Variants in ABCB5 observed in about 807,000 individuals in gnomAD.
ABCB5 encodes the protein ATP-binding cassette sub-family B member 5.
Under a neutral mutation model 144.2 loss-of-function variants are expected in ABCB5, and 155 were observed. That is an observed-to-expected ratio of 1.08 (90% CI 0.94 to 1.23). The LOEUF is 1.23. Among genes scored for constraint, ABCB5 ranks in the 50% most tolerant of loss-of-function variants. ABCB5 has a pLI of 0.00. For synonymous variants in ABCB5, 610 were observed against 528.6 expected (o/e 1.15, Z -2.11); for missense variants, 1,830 against 1,520.8 (o/e 1.20, Z -3.38).
At position 20,647,522 on chromosome 7, in the gene ABCB5, T is replaced by C. The variant is rs1784441188; in HGVS notation, c.982-13T>C. 9 of 1,539,172 alleles carry C rather than the reference T, an allele frequency of 5.8e-6. No individual in the cohort carries two copies. Among genetic ancestry groups the C allele is most frequent in the Non-Finnish European group, 7.9e-6 (9 of 1,145,800 alleles). On this transcript the variant is annotated splice_polypyrimidine_tract_variant and intron_variant, in intron 9 of 27. Coordinates refer to ENST00000404938, the MANE Select transcript of ABCB5 (RefSeq NM_001163941.2). ...CTGCAGAAAGATAAATATCACTTTG[T>C]TTGTTCCTGTAGGTTTTCTTTAGTG...
chr7:20,693,199 CA>C (rs1182324774), intron 16 of ABCB5, among the ~76,000 whole-genome samples: 3 of 149,938 alleles, frequency 2.0e-5, no homozygotes, highest in African/African-American at 4.9e-5. Context: ...CCTGTTTCTA[CA>C]AAAAAAAATA....
intron 1 of ABCB5, among the ~76,000 whole-genome samples, chr7:20,616,438 G>A (rs1183315746): frequency 6.6e-6 from 1 of 152,172 alleles, no homozygotes; most frequent in East Asian, 1.9e-4. Context: ...AACGTTAAGT[G>A]CATCTCATGA....
Position 20,728,322 on chromosome 7 carries a change from T to G in ABCB5, c.2734T>G (p.Ser912Ala). 1 of 1,613,904 alleles carries G rather than the reference T, an allele frequency of 6.2e-7. No homozygotes were observed. The change falls in exon 23 of 28, where the codon TCG (serine) becomes GCG (alanine). Residue 912 changes from serine (S) to alanine (A), a missense_variant. Physicochemically the swap from Ser to Ala is moderately conservative, Grantham distance 99 (BLOSUM62 1). Transcript: ENST00000404938. The stretch of plus-strand genomic sequence containing the variant: ...AAATTTTGTACATTCCAGAAATACC[T>G]CGAAGAAAGCACAGATTATTGGAAG... Reference protein sequence around the residue: ...EMLQTQHRNTSKKAQIIGSCY... With the variant: ...EMLQTQHRNTAKKAQIIGSCY...
At chr7:20,645,496 G>A (rs1205608135) in intron 7 of ABCB5, among the ~76,000 whole-genome samples, 1 of 152,156 alleles carries the variant, frequency 6.6e-6, no homozygotes, top group Non-Finnish European at 1.5e-5. Context: ...AATTGTAAAA[G>A]GATTATTAAA....
intron 23 of ABCB5, 129 bp downstream of exon 23, chr7:20,728,584 T>C: frequency 9.1e-7 from 1 of 1,102,194 alleles, no homozygotes; most frequent in South Asian, 1.9e-5. Flanking sequence ...TAAAACCCCA[T>C]CTCTACTAAA....
chr7:20,704,346 T>TA (rs1273047383), intron 19 of ABCB5, among the ~76,000 whole-genome samples: 1 of 152,128 alleles, frequency 6.6e-6, no homozygotes, highest in Non-Finnish European at 1.5e-5. Context: ...GTGTTGGAAT[T>TA]ACAGGTGTGA....
intron 5 of ABCB5, 77 bp downstream of exon 5, chr7:20,632,190 A>G (rs987098203): frequency 8.1e-6 from 8 of 985,324 alleles, no homozygotes; most frequent in Non-Finnish European, 1.2e-5. Context: ...AAAGCAACTG[A>G]AATTTTGTAT....
rs753135763 is a variant in ABCB5 at position 20,658,609 on chromosome 7, T to A, written c.1640T>A (p.Ile547Asn). 6.8e-6 allele frequency: 11 copies of A among 1,614,086 alleles called. No homozygotes were observed. The Admixed American group carries it at 1.8e-4, about 27-fold the overall frequency. The change falls in exon 14 of 28, where the codon ATT (isoleucine) becomes AAT (asparagine). Residue 547 changes from isoleucine to asparagine, a missense_variant. Ile to Asn is a moderately radical substitution (Grantham distance 149). Coordinates refer to ENST00000404938, the MANE Select transcript of ABCB5 (RefSeq NM_001163941.2). ...RALVRNPKIL[I>N]LDEATSALDS... ...TTAGTTCGAAACCCCAAGATTCTGATTTTAGATGAGGCTACGTCTGCCCTG... is the reference window on the plus strand; with the variant it reads ...TTAGTTCGAAACCCCAAGATTCTGAATTTAGATGAGGCTACGTCTGCCCTG...
At chr7:20,623,370 TC>T in intron 2 of ABCB5, 32 bp downstream of exon 2, 1 of 1,498,546 alleles carries the variant, frequency 6.7e-7, no homozygotes, top group Admixed American at 2.0e-5. Context: ...TAAGTATGCT[TC>T]CACAACTTCA....
chr7:20,638,567 A>G (rs1562531957), intron 5 of ABCB5, among the ~76,000 whole-genome samples: 1 of 152,186 alleles, frequency 6.6e-6, no homozygotes, highest in Non-Finnish European at 1.5e-5. Context: ...ATCTCAAAAG[A>G]TTTGCATATT....
Position 20,658,625 on chromosome 7 carries a change from G to T in ABCB5, c.1656G>T (p.Thr552=). 3 of 1,614,164 alleles carry T rather than the reference G, an allele frequency of 1.9e-6. No individual in the cohort carries two copies. Among genetic ancestry groups the T allele is most frequent in the Non-Finnish European group, 2.5e-6 (3 of 1,180,018 alleles). ...AGATTCTGATTTTAGATGAGGCTAC[G>T]TCTGCCCTGGATTCAGAAAGCAAGT... ...NPKILILDEA[T]SALDSESKSA... Residue 552 remains threonine, a synonymous_variant, in exon 14 of 28, where the codon ACG becomes ACT. Coordinates refer to ENST00000404938, the MANE Select transcript of ABCB5 (RefSeq NM_001163941.2).
Position 20,685,794 on chromosome 7 carries a change from A to G in ABCB5, c.1968A>G (p.Ser656=). 6 of 1,613,558 alleles carry G rather than the reference A, an allele frequency of 3.7e-6. No homozygotes were observed. The highest frequency in any genetic ancestry group is 5.1e-6 in the Non-Finnish European group (6 of 1,179,810). The change falls in exon 16 of 28, where the codon TCA becomes TCG. Residue 656 remains serine (S), a synonymous_variant. Coordinates refer to ENST00000404938, the MANE Select transcript of ABCB5 (RefSeq NM_001163941.2). ...LPLHSVKSIK[S]DFIDKAEEST... is the part of the protein sequence containing the mutation. ...TGCACTCTGTGAAGAGCATCAAGTC[A>G]GACTTCATTGACAAGGCTGAGGAAT...
Position 20,745,108 on chromosome 7 carries a change from T to C in ABCB5, c.3223-124T>C, listed in dbSNP as rs983424707. On this transcript the variant is annotated intron_variant, in intron 25 of 27. Transcript: ENST00000404938. ...TATGAGCCTTCCTTGGGTAACTTTA[T>C]ACTTTGAAATAGCTTGAATTCCTAT... is the stretch of plus-strand genomic sequence containing the variant. 31 of 1,037,042 alleles carry C rather than the reference T, an allele frequency of 3.0e-5. No individual in the cohort carries two copies. The African/African-American group carries it at 4.4e-4, about 15-fold the overall frequency. The allele number at this position is 1,037,042 out of a possible 1,614,324, so 64.2% of individuals were successfully genotyped here.
chr7:20,635,306 C>T (rs190588131), intron 5 of ABCB5, among the ~76,000 whole-genome samples: 3 of 151,308 alleles, frequency 2.0e-5, no homozygotes, highest in East Asian at 3.9e-4. Context: ...GTTACTATAG[C>T]CTTGTAGTAC....
chr7:20,633,112 A>G (rs573004798), intron 5 of ABCB5, among the ~76,000 whole-genome samples: 1 of 152,196 alleles, frequency 6.6e-6, no homozygotes, highest in African/African-American at 2.4e-5. Flanking sequence ...ACATAAAAAT[A>G]GTAAGGTTTT....
intron 14 of ABCB5, among the ~76,000 whole-genome samples, chr7:20,669,204 C>T (rs1785365743): frequency 6.8e-6 from 1 of 146,000 alleles, no homozygotes; most frequent in Admixed American, 6.8e-5. Context: ...CTCTGCCCGG[C>T]CACGACCCCG....
At chr7:20,717,883 CTTTTTTTTTTTTTTTTTTT>C (rs574592723) in intron 20 of ABCB5, among the ~76,000 whole-genome samples, 61 of 43,274 alleles carry the variant, frequency 1.4e-3, no homozygotes, top group South Asian at 0.01. Context: ...TTGTAACATT[CTTTTTTTTTTTTTTTTTTT>C]TTTTTTTTTT....
At chr7:20,647,512 T>G (rs1470399314) in intron 9 of ABCB5, 23 bp from the exon 10 acceptor site, 3 of 1,530,466 alleles carry the variant, frequency 2.0e-6, no homozygotes, top group South Asian at 2.5e-5. Flanking sequence ...GAAAGATAAA[T>G]ATCACTTTGT....
chr7:20,737,041 T>G (rs779944440), intron 23 of ABCB5, among the ~76,000 whole-genome samples: 6 of 151,958 alleles, frequency 3.9e-5, no homozygotes, highest in South Asian at 2.1e-4. Context: ...ATGCCTGTAA[T>G]CCCAGCTTCA....
Sources: allele counts gnomAD v4.1 joint callset (sites outside exome capture counted in the v4.1 genomes callset), GRCh38; gene constraint gnomAD v4.1.1; transcripts MANE v1.5; gene names NCBI Gene and HGNC (gene_info 2026-07-23, HGNC 2026-07-21).